The following SLC12A2 variants were observed in gnomAD, a reference collection of about 807,000 sequenced individuals.
SLC12A2 encodes solute carrier family 12 member 2.
In SLC12A2, 67 loss-of-function variants were observed where a neutral mutation model predicts 136.3. The ratio of observed to expected loss-of-function variants is 0.49; its 90% CI spans 0.40 to 0.60. The LOEUF (loss-of-function observed/expected upper bound fraction) is 0.60. Ranked by LOEUF, SLC12A2 falls within the 20% of genes least tolerant of loss-of-function variation. The probability of loss-of-function intolerance (pLI) is 0.00; values close to 1 mark genes in which losing one functional copy is unlikely to be tolerated. For missense variants in SLC12A2, 1,322 were observed against 1,534.7 expected (o/e 0.86, Z 2.32); for synonymous variants, 619 against 562.9 (o/e 1.10, Z -1.41).
intron 23 of SLC12A2, among the ~76,000 whole-genome samples, chr5:128,181,514 CTAAT>C (rs1763707120): frequency 6.6e-6 from 1 of 152,054 alleles, no homozygotes; most frequent in Non-Finnish European, 1.5e-5. Context: ...AATCTTCAAC[CTAAT>C]TAATATGTAT....
intron 1 of SLC12A2, among the ~76,000 whole-genome samples, chr5:128,097,033 A>G (rs1760567781): frequency 6.6e-6 from 1 of 152,074 alleles, no homozygotes; most frequent in Admixed American, 6.6e-5. Flanking sequence ...CAATACAAAA[A>G]AAGAGTCAGT....
At chr5:128,114,502 GTATTC>G (rs1761274818) in intron 3 of SLC12A2, 79 bp from the exon 4 acceptor site, 2 of 950,782 alleles carry the variant, frequency 2.1e-6, no homozygotes, top group Non-Finnish European at 3.3e-6. Context: ...TGTAGATTCA[GTATTC>G]TTAGACCAAC....
In SLC12A2 at chr5:128,111,246, C is replaced by CA. The variant is rs1050716963; in HGVS notation, c.757-1563dup. ...CATCTGGCTTATACTTCTATTGCTT[C>CA]AAAAATCAAAGAATTAACAGTAATT... On this transcript the variant is annotated intron_variant, in intron 1 of 26. Transcript: ENST00000262461. Among the ~76,000 whole-genome samples, 117 of 151,978 alleles carry CA rather than the reference C, an allele frequency of 7.7e-4. 1 individual carries two copies. The highest frequency in any genetic ancestry group is 2.8e-3 in the African/African-American group (115 of 41,456).
In SLC12A2 at chr5:128,183,030, T is replaced by C. The variant is rs543844899; in HGVS notation, c.3299+89T>C. The C allele has an allele frequency of 5.3e-4, 395 of 745,958 alleles. 7 individuals carry two copies. The South Asian group carries it at 8.1e-3, about 15-fold the overall frequency. 46.2% of individuals were successfully genotyped at this position (745,958 alleles called of 1,614,324 possible). ...AATTAAAACCCAGAGATTTTTTTCC[T>C]GTTGTTAGTTACATGTGAAGTCAAT... On this transcript the variant is annotated intron_variant, in intron 24 of 26. Transcript: ENST00000262461.
Position 128,084,856 on chromosome 5 carries a change from G to A in SLC12A2, c.756+146G>A. The A allele has an allele frequency of 1.0e-6, 1 of 998,960 alleles. No individual in the cohort carries two copies. Among genetic ancestry groups the A allele is most frequent in the Non-Finnish European group, 1.4e-6 (1 of 702,494 alleles). The allele number at this position is 998,960 out of a possible 1,614,324, so 61.9% of individuals were successfully genotyped here. ...ATCTCTGGATTCAGCTGTCAAGGGTGGAATTGCCGAGGAATGTTAACTTAA... is the reference window on the plus strand; with the variant it reads ...ATCTCTGGATTCAGCTGTCAAGGGTAGAATTGCCGAGGAATGTTAACTTAA... On this transcript the variant is annotated intron_variant, in intron 1 of 26. Transcript: ENST00000262461. The surrounding 1 kb of genome is among the most constrained non-coding windows in gnomAD (Gnocchi z 5.6).
intron 7 of SLC12A2, 113 bp from the exon 8 acceptor site, chr5:128,138,484 G>C: frequency 1.1e-6 from 1 of 914,030 alleles, no homozygotes; most frequent in Non-Finnish European, 1.6e-6. Context: ...AAATTTACTC[G>C]TTACTTTAAC....
At chr5:128,097,884 A>C (rs368290855) in intron 1 of SLC12A2, among the ~76,000 whole-genome samples, 10 of 151,986 alleles carry the variant, frequency 6.6e-5, no homozygotes, top group African/African-American at 2.4e-4. Flanking sequence ...GTTGGCAACA[A>C]GTTCTCTTAG....
intron 23 of SLC12A2, among the ~76,000 whole-genome samples, chr5:128,182,062 C>T (rs559517817): frequency 4.6e-5 from 7 of 151,890 alleles, no homozygotes; most frequent in South Asian, 2.1e-4. Flanking sequence ...CCCTGTTTAG[C>T]ATGTTTTATA....
chr5:128,144,353 T>G (rs1762462665), intron 10 of SLC12A2, among the ~76,000 whole-genome samples: 1 of 152,110 alleles, frequency 6.6e-6, no homozygotes, highest in Non-Finnish European at 1.5e-5. Context: ...ACCTTGGCAT[T>G]TGGAGAGTGA....
At chr5:128,176,257 G>C (rs753224932) in intron 20 of SLC12A2, among the ~76,000 whole-genome samples, 5 of 151,870 alleles carry the variant, frequency 3.3e-5, no homozygotes, top group Non-Finnish European at 7.4e-5. Flanking sequence ...TACCTCTTTC[G>C]ACAAATGAGA....
chr5:128,093,998 C>T (rs1393288146), intron 1 of SLC12A2, among the ~76,000 whole-genome samples: 1 of 152,052 alleles, frequency 6.6e-6, no homozygotes, highest in Admixed American at 6.6e-5. Flanking sequence ...CCTCTCCCTT[C>T]CACCATTCCA....
At position 128,151,105 on chromosome 5, in the gene SLC12A2, A is replaced by G. The variant is rs1327108838; in HGVS notation, c.2108-136A>G. 2.7e-5 allele frequency: 18 copies of G among 656,222 alleles called. No individual in the cohort carries two copies. In the East Asian group the frequency reaches 4.3e-4, roughly 16 times the overall value. 40.6% of individuals were successfully genotyped at this position (656,222 alleles called of 1,614,324 possible). A position where few individuals can be genotyped will look rare whatever the true frequency, so the allele number is the denominator to read the frequency against. ...TAATAGTCTTTGACTTTACTATTCA[A>G]TATTAGACTTATACTTAATGCTTAA... On this transcript the variant is annotated intron_variant, in intron 13 of 26. Transcript: ENST00000262461.
chr5:128,121,876 T>C lies in SLC12A2; in HGVS notation c.1048+7195T>C, dbSNP rs893643215. ...ATTTTATAGAGTTTCCACGGATCTGTACAACAGGTTTTGCAACTTGGATGG... is the reference window on the plus strand; with the variant it reads ...ATTTTATAGAGTTTCCACGGATCTGCACAACAGGTTTTGCAACTTGGATGG... On this transcript the variant is annotated intron_variant, in intron 4 of 26. Transcript: ENST00000262461. Among the ~76,000 whole-genome samples, 54 of 152,324 alleles carry C rather than the reference T, an allele frequency of 3.5e-4. 1 individual carries two copies. Among genetic ancestry groups the C allele is most frequent in the Admixed American group, 1.4e-3 (21 of 15,302 alleles).
chr5:128,180,600 T>G (rs528981248), intron 22 of SLC12A2, among the ~76,000 whole-genome samples: 3 of 152,304 alleles, frequency 2.0e-5, no homozygotes, highest in Admixed American at 6.5e-5. Flanking sequence ...CCTGCTAAGG[T>G]CAATAATTAT....
At chr5:128,117,982 T>G (rs1489140744) in intron 4 of SLC12A2, among the ~76,000 whole-genome samples, 3 of 152,008 alleles carry the variant, frequency 2.0e-5, no homozygotes, top group Non-Finnish European at 4.4e-5. Flanking sequence ...CATCACTAAT[T>G]ATCAGAGAAA....
At chr5:128,179,038 G>A (rs1446462496) in intron 22 of SLC12A2, among the ~76,000 whole-genome samples, 1 of 152,170 alleles carries the variant, frequency 6.6e-6, no homozygotes, top group East Asian at 1.9e-4. Context: ...GTGATGCTGT[G>A]CTCTTCTGTC....
chr5:128,169,605 G>A (rs1763306595), intron 18 of SLC12A2: 1 of 152,086 alleles, frequency 6.6e-6, no homozygotes, highest in African/African-American at 2.4e-5. Flanking sequence ...TAATGTTTTT[G>A]TAAGCAAAAC....
chr5:128,111,826 GTA>G lies in SLC12A2; in HGVS notation c.757-974_757-973del, dbSNP rs1406402350. Reference sequence around the variant, plus strand: ...TGTGTGTATATACGTGTGTGTGTGTGTATATATATATATATGGAGAGAGAGAA... The same window carrying G: ...TGTGTGTATATACGTGTGTGTGTGTGTATATATATATATGGAGAGAGAGAA... On this transcript the variant is annotated intron_variant, in intron 1 of 26. Coordinates refer to ENST00000262461, the MANE Select transcript of SLC12A2 (RefSeq NM_001046.3). 3.1e-3 allele frequency among the ~76,000 whole-genome samples: 459 copies of G among 148,296 alleles called. 2 individuals carry two copies. The highest frequency in any genetic ancestry group is 0.011 in the Middle Eastern group (3 of 276).
At chr5:128,104,666 T>TATAG (rs1318686242) in intron 1 of SLC12A2, among the ~76,000 whole-genome samples, 1 of 128,410 alleles carries the variant, frequency 7.8e-6, no homozygotes, top group Non-Finnish European at 1.6e-5. Context: ...TATATAGATA[T>TATAG]ATAGATATAT....
Sources: allele counts gnomAD v4.1 joint callset (sites outside exome capture counted in the v4.1 genomes callset), GRCh38; gene constraint gnomAD v4.1.1; non-coding constraint Gnocchi (gnomAD v3.1); transcripts MANE v1.5; gene names NCBI Gene and HGNC (gene_info 2026-07-23, HGNC 2026-07-21).